The following SKIL variants were observed in gnomAD, a reference collection of about 807,000 sequenced individuals.
SKIL encodes the protein ski-like protein.
SKIL carries 20 observed loss-of-function variants against 69.6 expected under a neutral mutation model. The ratio of observed to expected loss-of-function variants is 0.29; its 90% confidence interval spans 0.20 to 0.42. SKIL has a LOEUF of 0.42. SKIL is among the 10% of genes least tolerant of loss of function. The pLI, the probability that SKIL is intolerant of heterozygous loss-of-function variation, is 1.00. For synonymous variants in SKIL, 310 were observed against 279.9 expected, an observed-to-expected ratio of 1.11 and a Z score of -1.08; for missense variants, 745 against 783.1, an observed-to-expected ratio of 0.95 and a Z score of 0.58.
intron 2 of SKIL, among the ~76,000 whole-genome samples, chr3:170,379,896 G>A (rs1198021958): frequency 6.6e-6 from 1 of 152,006 alleles, no homozygotes; most frequent in Non-Finnish European, 1.5e-5. Context: ...CACCCACCTC[G>A]GCCTCCCACA....
At chr3:170,362,301 G>C (rs1294827221) in intron 2 of SKIL, among the ~76,000 whole-genome samples, 1 of 152,150 alleles carries the variant, frequency 6.6e-6, no homozygotes, top group East Asian at 1.9e-4. Flanking sequence ...TCAGGAGTTT[G>C]AGACCAGCCT....
chr3:170,375,994 C>A (rs1737012506), intron 2 of SKIL, among the ~76,000 whole-genome samples: 1 of 145,352 alleles, frequency 6.9e-6, no homozygotes, highest in East Asian at 2.1e-4. Flanking sequence ...TGTTTTTTAA[C>A]AAATGATGTC....
At chr3:170,377,915 A>G (rs1037741339) in intron 2 of SKIL, among the ~76,000 whole-genome samples, 1 of 150,446 alleles carries the variant, frequency 6.6e-6, no homozygotes, top group Admixed American at 6.6e-5. Flanking sequence ...TATTTTTGAG[A>G]CAGAGTCTTG....
intron 2 of SKIL, 107 bp from the exon 3 acceptor site, chr3:170,381,137 T>C: frequency 2.9e-6 from 2 of 694,420 alleles, no homozygotes; most frequent in East Asian, 2.6e-5. Flanking sequence ...TGATGACTCT[T>C]AAATAATGTT....
rs556526473 is a variant in SKIL, at chr3:170,369,691, C to T, written c.1098+8262C>T. On this transcript the variant is annotated intron_variant, in intron 2 of 6. Transcript: ENST00000259119. The stretch of plus-strand genomic sequence containing the variant: ...TGCTGGGATTACAGGCGTGAGCCAC[C>T]GCACCCAGCGAATTGGGCTAATTTT... 1.1e-3 allele frequency among the ~76,000 whole-genome samples: 164 copies of T among 152,010 alleles called. 1 individual carries two copies. The highest frequency in any genetic ancestry group is 3.6e-3 in the African/African-American group (149 of 41,486).
At chr3:170,370,442 C>T (rs74818060) in intron 2 of SKIL, among the ~76,000 whole-genome samples, 3 of 1,120 alleles carry the variant, frequency 2.7e-3, no homozygotes, top group African/African-American at 8.5e-3. Context: ...AGAGAGAGCC[C>T]CCCCCCCCCC....
At chr3:170,386,658 C>T (rs921268195) in intron 4 of SKIL, among the ~76,000 whole-genome samples, 2 of 151,836 alleles carry the variant, frequency 1.3e-5, no homozygotes, top group African/African-American at 4.8e-5. Flanking sequence ...TTTGTAGAGA[C>T]AGGGTCTCAC....
chr3:170,358,589 GAA>G (rs1387293071), intron 1 of SKIL: 6 of 152,620 alleles, frequency 3.9e-5, no homozygotes, highest in African/African-American at 1.4e-4. Flanking sequence ...TGTGGTGGAC[GAA>G]AGTCTGTACG....
At chr3:170,367,206 T>A (rs1736574016) in intron 2 of SKIL, among the ~76,000 whole-genome samples, 1 of 152,060 alleles carries the variant, frequency 6.6e-6, no homozygotes, top group Non-Finnish European at 1.5e-5. Flanking sequence ...CCTCCCAGGT[T>A]CACGCCATTC....
chr3:170,387,759 T>TTAAAAAAAAA (rs1737710238), intron 4 of SKIL, among the ~76,000 whole-genome samples: 1 of 57,698 alleles, frequency 1.7e-5, no homozygotes. Context: ...CCGTCTCTAC[T>TTAAAAAAAAA]AAAAAAAAAA....
chr3:170,391,461 A>G lies in SKIL; in HGVS notation c.1896+201A>G, dbSNP rs544028501. Among the ~76,000 whole-genome samples, 44 of 152,040 alleles carry G rather than the reference A, an allele frequency of 2.9e-4. 2 individuals carry two copies. In the South Asian group the frequency reaches 9.1e-3, roughly 32 times the overall value. On this transcript the variant is annotated intron_variant, in intron 6 of 6. Coordinates refer to ENST00000259119, the MANE Select transcript of SKIL (RefSeq NM_005414.5). Reference sequence around the variant, plus strand: ...GCCTCCTGATTGTAGCTGGGATTACAGGCGTGCGACACTATGCCCAGCTAA... The same window carrying G: ...GCCTCCTGATTGTAGCTGGGATTACGGGCGTGCGACACTATGCCCAGCTAA...
At chr3:170,387,287 T>A (rs1347085208) in intron 4 of SKIL, among the ~76,000 whole-genome samples, 2 of 152,124 alleles carry the variant, frequency 1.3e-5, no homozygotes, top group Non-Finnish European at 1.5e-5. Flanking sequence ...CCATAATGTT[T>A]TCATCACTCC....
chr3:170,373,626 A>G (rs185465875), intron 2 of SKIL, among the ~76,000 whole-genome samples: 3 of 152,228 alleles, frequency 2.0e-5, no homozygotes, highest in African/African-American at 4.8e-5. Flanking sequence ...TAGTAATCTG[A>G]TGCTGTAATT....
chr3:170,370,454 C>G (rs1381179524), intron 2 of SKIL, among the ~76,000 whole-genome samples: 2 of 44,932 alleles, frequency 4.5e-5, no homozygotes, highest in African/African-American at 1.9e-4. Context: ...CCCCCCCCCC[C>G]CGAGCAGGAG....
At chr3:170,372,398 C>G (rs1361745371) in intron 2 of SKIL, among the ~76,000 whole-genome samples, 2 of 152,208 alleles carry the variant, frequency 1.3e-5, no homozygotes, top group Non-Finnish European at 2.9e-5. Context: ...TCCTGACGAT[C>G]TGTTTTTGAT....
intron 2 of SKIL, among the ~76,000 whole-genome samples, chr3:170,369,509 C>G (rs547659360): frequency 6.6e-6 from 1 of 152,218 alleles, no homozygotes; most frequent in South Asian, 2.1e-4. Context: ...TCAAGTGATT[C>G]TCATGCCTCA....
intron 2 of SKIL, among the ~76,000 whole-genome samples, chr3:170,376,404 C>T (rs1393353380): frequency 6.6e-6 from 1 of 152,140 alleles, no homozygotes; most frequent in Non-Finnish European, 1.5e-5. Flanking sequence ...CGTTCATTGA[C>T]ACCTCTTTGG....
At chr3:170,391,928 A>G (rs913321385) in intron 6 of SKIL, among the ~76,000 whole-genome samples, 10 of 152,244 alleles carry the variant, frequency 6.6e-5, no homozygotes, top group Admixed American at 5.9e-4. Context: ...AGCAAAAATA[A>G]GCAATTCTCT....
Position 170,360,715 on chromosome 3 carries a change from G to C in SKIL, c.384G>C (p.Gln128His). The change falls in exon 2 of 7, where the codon CAG (glutamine) becomes CAC (histidine). Residue 128 changes from glutamine to histidine, a missense_variant. Transcript: ENST00000259119. ...PTVFLPLPSP[Q>H]VLPGPLLIPS... ...TATTTCTGCCTCTTCCATCACCTCA[G>C]GTTCTTCCTGGCCCATTGCTCATCC... The C allele has an allele frequency of 6.2e-7, 1 of 1,614,150 alleles. No homozygotes were observed. The highest frequency in any genetic ancestry group is 8.5e-7 in the Non-Finnish European group (1 of 1,180,022).
Sources: gnomAD v4.1 joint callset for allele counts (sites outside exome capture counted in the v4.1 genomes callset) on GRCh38, gnomAD v4.1.1 for gene constraint, MANE v1.5 for transcripts, NCBI Gene and HGNC (gene_info 2026-07-23, HGNC 2026-07-21) for gene names.